VCL: variants seen among roughly 807,000 people sequenced by gnomAD.
VCL encodes vinculin, also known as epididymis luminal protein 114.
In VCL, 47 loss-of-function variants were observed where a neutral mutation model predicts 125.7. The ratio of observed to expected loss-of-function variants is 0.37; its 90% CI spans 0.30 to 0.48. The LOEUF is 0.48. Among genes scored for constraint, VCL ranks in the 20% least tolerant of loss-of-function variants. The probability of loss-of-function intolerance (pLI) is 0.99; values close to 1 mark genes in which losing one functional copy is unlikely to be tolerated. For synonymous variants in VCL, 458 were observed against 514.6 expected, an observed-to-expected ratio of 0.89 and a Z score of 1.49; for missense variants, 1,069 against 1,455.5, an observed-to-expected ratio of 0.73 and a Z score of 4.32.
chr10:74,098,681 A>G (rs1240753105), intron 13 of VCL, among the ~76,000 whole-genome samples: 1 of 152,234 alleles, frequency 6.6e-6, no homozygotes, highest in African/African-American at 2.4e-5. Context: ...GGTTTGGGTC[A>G]GGTACCCAAG....
chr10:74,073,957 G>A (rs1336389568), intron 5 of VCL, among the ~76,000 whole-genome samples: 5 of 152,176 alleles, frequency 3.3e-5, no homozygotes, highest in Non-Finnish European at 5.9e-5. Context: ...GCTGGGCACA[G>A]TGGCTCACTC....
intron 1 of VCL, among the ~76,000 whole-genome samples, chr10:74,015,541 CA>C (rs879630106): frequency 4.7e-4 from 67 of 141,606 alleles, no homozygotes; most frequent in African/African-American, 7.5e-4. Flanking sequence ...ACTCTGTCTC[CA>C]AAAAAAAAAA....
intron 2 of VCL, among the ~76,000 whole-genome samples, chr10:74,060,245 C>T (rs919425379): frequency 5.3e-5 from 8 of 152,108 alleles, no homozygotes; most frequent in Non-Finnish European, 1.2e-4. Flanking sequence ...GTTGAGGCTA[C>T]AGTGAGCTGT....
intron 13 of VCL, 29 bp from the exon 14 acceptor site, chr10:74,100,919 A>G (rs376994664): frequency 6.2e-6 from 10 of 1,613,318 alleles, no homozygotes; most frequent in Admixed American, 1.7e-5. Flanking sequence ...ATTGAAATAA[A>G]TGTTCTTAAT....
At chr10:74,018,524 G>A (rs1311730848) in intron 1 of VCL, among the ~76,000 whole-genome samples, 1 of 152,106 alleles carries the variant, frequency 6.6e-6, no homozygotes, top group East Asian at 1.9e-4. Flanking sequence ...GAAGCATGAG[G>A]AAGTTTGCCA....
intron 1 of VCL, among the ~76,000 whole-genome samples, chr10:74,029,007 T>C (rs1202586205): frequency 4.0e-5 from 6 of 151,342 alleles, no homozygotes; most frequent in Non-Finnish European, 5.9e-5. Context: ...TGAGTAGAGA[T>C]GGGGTTTCAC....
Position 74,109,051 on chromosome 10 carries a change from A to T in VCL, c.2640A>T (p.Glu880Asp). 1 of 1,614,190 alleles carries T rather than the reference A, an allele frequency of 6.2e-7. No individual in the cohort carries two copies. Among genetic ancestry groups the T allele is most frequent in the East Asian group, 2.2e-5 (1 of 44,878 alleles). ...VPPPRPPPPE[E>D]KDEEFPEQKA... Reference sequence around the variant, plus strand: ...CACCTAGGCCTCCACCACCAGAGGAAAAGGATGAAGAGTTCCCTGAGCAGA... The same window carrying T: ...CACCTAGGCCTCCACCACCAGAGGATAAGGATGAAGAGTTCCCTGAGCAGA... The change falls in exon 18 of 22, where the codon GAA becomes GAT. Residue 880 changes from glutamate to aspartate, a missense_variant. Physicochemically the swap from Glu to Asp is conservative, Grantham distance 45 (BLOSUM62 2). Around this residue, in one of 6 missense-constraint regions of VCL, gnomAD observed 28 missense variants for 65.1 expected, o/e 0.43. Coordinates refer to ENST00000211998, the MANE Select transcript of VCL (RefSeq NM_014000.3).
rs1261303663 is a variant in VCL at position 74,117,491 on chromosome 10, C to CAAAAAATT, written c.3259-522_3259-515dup. The stretch of plus-strand genomic sequence containing the variant: ...GCAACATGGCGGAACCCCATCTGTA[C>CAAAAAATT]AAAAAATTAAAAAATTACCCAGATG... On this transcript the variant is annotated intron_variant, in intron 21 of 21. Coordinates refer to ENST00000211998, the MANE Select transcript of VCL (RefSeq NM_014000.3). Among the ~76,000 whole-genome samples the CAAAAAATT allele has an allele frequency of 7.8e-4, 119 of 152,228 alleles. 1 individual carries two copies. Among genetic ancestry groups the CAAAAAATT allele is most frequent in the Admixed American group, 5.8e-3 (88 of 15,294 alleles).
At position 74,111,934 on chromosome 10, in the gene VCL, G is replaced by A. The variant is rs1207917397; in HGVS notation, c.2771G>A (p.Gly924Asp). Residue 924 changes from glycine (G) to aspartate (D), a missense_variant, in exon 19 of 22, where the codon GGT becomes GAT. Gly to Asp is a moderately conservative substitution (Grantham distance 94). This residue lies in a region of VCL where 86 missense variants were observed against 91.0 expected (regional missense o/e 0.95). Transcript: ENST00000211998. Reference sequence around the variant, plus strand: ...CCGGGCATCCCAGCCGCTGAGGTGGGTATAGGTGTTGTAGCTGAGGCAGAT... The same window carrying A: ...CCGGGCATCCCAGCCGCTGAGGTGGATATAGGTGTTGTAGCTGAGGCAGAT... ...SKPGIPAAEV[G>D]IGVVAEADAA... 16 of 1,614,220 alleles carry A rather than the reference G, an allele frequency of 9.9e-6. No individual in the cohort carries two copies. Among genetic ancestry groups the A allele is most frequent in the Non-Finnish European group, 1.4e-5 (16 of 1,180,044 alleles).
chr10:74,102,743 C>T (rs149328607), intron 14 of VCL, among the ~76,000 whole-genome samples: 5 of 152,216 alleles, frequency 3.3e-5, no homozygotes, highest in African/African-American at 1.2e-4. Flanking sequence ...AAACATGGAA[C>T]ATAAAATACA....
chr10:74,080,740 CTAAG>C (rs1839662384), intron 6 of VCL, among the ~76,000 whole-genome samples: 2 of 152,112 alleles, frequency 1.3e-5, no homozygotes, highest in Non-Finnish European at 2.9e-5. Flanking sequence ...CACACACTTC[CTAAG>C]TAAGAGTTTG....
At position 74,057,099 on chromosome 10, in the gene VCL, T is replaced by C. The variant is rs186896850; in HGVS notation, c.240-13571T>C. Among the ~76,000 whole-genome samples, 535 of 152,130 alleles carry C rather than the reference T, an allele frequency of 3.5e-3. 3 individuals are homozygous for C. Among genetic ancestry groups the C allele is most frequent in the African/African-American group, 0.011 (473 of 41,534 alleles). On this transcript the variant is annotated intron_variant, in intron 2 of 21. Transcript: ENST00000211998. ...CTGGGGCTACAGGTACATGCCATCA[T>C]GCATGGCTAATTTTTTAAAATTTTT...
intron 1 of VCL, among the ~76,000 whole-genome samples, chr10:74,032,699 C>CAAAA (rs749212293): frequency 7.2e-6 from 1 of 138,270 alleles, no homozygotes; most frequent in African/African-American, 2.7e-5. Flanking sequence ...GTCTCGGTCT[C>CAAAA]AAAAAAAAAA....
chr10:74,046,885 GAAAA>G (rs1192974457), intron 2 of VCL, among the ~76,000 whole-genome samples: 2 of 152,212 alleles, frequency 1.3e-5, no homozygotes, highest in African/African-American at 2.4e-5. Context: ...TGGGGACTTA[GAAAA>G]ATTAAAAATG....
chr10:74,107,441 A>C, intron 17 of VCL, 87 bp downstream of exon 17: 1 of 1,600,952 alleles, frequency 6.2e-7, no homozygotes, highest in Non-Finnish European at 8.5e-7. Flanking sequence ...TAGAGCCTCC[A>C]TCACTAGGTG....
chr10:74,027,188 A>G (rs1243312789), intron 1 of VCL, among the ~76,000 whole-genome samples: 4 of 152,176 alleles, frequency 2.6e-5, no homozygotes, highest in Non-Finnish European at 5.9e-5. Context: ...GCTCTGGGAT[A>G]CTTTCATGGT....
At position 74,118,325 on chromosome 10, in the gene VCL, T is replaced by C. The variant is rs905856205; in HGVS notation, c.*156T>C. 1.3e-5 allele frequency: 11 copies of C among 852,620 alleles called. No individual in the cohort carries two copies. The highest frequency in any genetic ancestry group is 1.5e-5 in the Non-Finnish European group (8 of 530,994). 52.8% of individuals were successfully genotyped at this position (852,620 alleles called of 1,614,324 possible). A position where few individuals can be genotyped will look rare whatever the true frequency, so the allele number is the denominator to read the frequency against. ...GGGGGCCTCTTCAAATTAGAAGACA[T>C]TTATACTCTTTTTTCATGGACACTT... is the stretch of plus-strand genomic sequence containing the variant. On this transcript the variant is annotated 3_prime_UTR_variant, in exon 22 of 22. Transcript: ENST00000211998.
chr10:74,028,837 A>C (rs1057319900), intron 1 of VCL, among the ~76,000 whole-genome samples: 1 of 152,064 alleles, frequency 6.6e-6, no homozygotes, highest in Non-Finnish European at 1.5e-5. Flanking sequence ...GGGACCTTTG[A>C]GTTCTGTTAC....
chr10:74,001,128 G>A (rs1028407228), intron 1 of VCL, among the ~76,000 whole-genome samples: 23 of 152,148 alleles, frequency 1.5e-4, no homozygotes, highest in African/African-American at 5.6e-4. Context: ...AGGGGAAGGA[G>A]GATGAGAATA....
Sources: allele counts gnomAD v4.1 joint callset (sites outside exome capture counted in the v4.1 genomes callset), GRCh38; gene constraint gnomAD v4.1.1; regional missense constraint gnomAD v4.1.1; transcripts MANE v1.5; gene names NCBI Gene and HGNC (gene_info 2026-07-23, HGNC 2026-07-21).